Variants in PXDNL observed in about 807,000 individuals in gnomAD.
PXDNL encodes peroxidasin like.
Under a neutral mutation model 150.8 loss-of-function variants are expected in PXDNL, and 145 were observed. The ratio of observed to expected loss-of-function variants is 0.96; its 90% CI spans 0.84 to 1.10. PXDNL has a LOEUF of 1.10. Ranked by LOEUF, PXDNL falls within the 50% of genes least tolerant of loss-of-function variation. The pLI is 0.00. For synonymous variants in PXDNL, 757 were observed against 725.7 expected, an observed-to-expected ratio of 1.04 and a Z score of -0.69; for missense variants, 2,087 against 1,873.9, an observed-to-expected ratio of 1.11 and a Z score of -2.10.
intron 2 of PXDNL, among the ~76,000 whole-genome samples, chr8:51,608,597 G>A (rs1813922574): frequency 6.8e-6 from 1 of 147,924 alleles, no homozygotes; most frequent in Non-Finnish European, 1.5e-5. Flanking sequence ...CAGCACTTTG[G>A]GAGGCCAAGG....
At chr8:51,776,597 C>T (rs114467865) in intron 1 of PXDNL, among the ~76,000 whole-genome samples, 1 of 152,156 alleles carries the variant, frequency 6.6e-6, no homozygotes, top group Admixed American at 6.5e-5. Context: ...ACCCCCTCTT[C>T]TCAATGAGGC....
At chr8:51,474,914 C>A in intron 7 of PXDNL, 58 bp downstream of exon 7, 4 of 1,392,164 alleles carry the variant, frequency 2.9e-6, no homozygotes, top group Admixed American at 2.2e-5. Flanking sequence ...TAAACCTTTA[C>A]AAAAAGAGAG....
At chr8:51,438,755 C>T (rs930999840) in intron 12 of PXDNL, among the ~76,000 whole-genome samples, 8 of 152,056 alleles carry the variant, frequency 5.3e-5, no homozygotes, top group Non-Finnish European at 1.0e-4. Flanking sequence ...AATAGAGAAC[C>T]CAGAAATTAA....
chr8:51,539,001 A>G (rs1812152323), intron 4 of PXDNL, among the ~76,000 whole-genome samples: 1 of 152,180 alleles, frequency 6.6e-6, no homozygotes. Flanking sequence ...AATCTCCAAT[A>G]AAATACTGAG....
intron 5 of PXDNL, among the ~76,000 whole-genome samples, chr8:51,498,457 T>G (rs1021365388): frequency 5.3e-5 from 8 of 151,726 alleles, no homozygotes; most frequent in Non-Finnish European, 8.8e-5. Flanking sequence ...ATAAATAAAT[T>G]TATTAATATA....
intron 4 of PXDNL, among the ~76,000 whole-genome samples, chr8:51,544,445 G>A (rs930211417): frequency 3.9e-5 from 6 of 152,166 alleles, no homozygotes; most frequent in Admixed American, 6.5e-5. Flanking sequence ...GTTATTCTTC[G>A]GAACTATCTA....
At chr8:51,583,452 A>T (rs1813254638) in intron 3 of PXDNL, among the ~76,000 whole-genome samples, 1 of 152,194 alleles carries the variant, frequency 6.6e-6, no homozygotes, top group African/African-American at 2.4e-5. Context: ...CAGTTTCATT[A>T]TCTTTTGCAT....
chr8:51,322,519 G>A (rs1805355311), intron 21 of PXDNL, among the ~76,000 whole-genome samples: 1 of 152,100 alleles, frequency 6.6e-6, no homozygotes, highest in Non-Finnish European at 1.5e-5. Flanking sequence ...GCAGTCTCCA[G>A]GCAATGGGAA....
At chr8:51,406,523 T>A (rs1808439554) in intron 17 of PXDNL, among the ~76,000 whole-genome samples, 1 of 152,172 alleles carries the variant, frequency 6.6e-6, no homozygotes, top group Non-Finnish European at 1.5e-5. Context: ...ACAGCCTCTT[T>A]AAAACCCGTC....
At chr8:51,419,563 G>A (rs965598672) in intron 14 of PXDNL, among the ~76,000 whole-genome samples, 32 of 152,204 alleles carry the variant, frequency 2.1e-4, no homozygotes, top group African/African-American at 7.7e-4. Context: ...CTTAACCCAG[G>A]GTTTTCTTCT....
At chr8:51,777,668 C>T (rs2037366765) in intron 1 of PXDNL, among the ~76,000 whole-genome samples, 1 of 151,504 alleles carries the variant, frequency 6.6e-6, no homozygotes, top group South Asian at 2.1e-4. Flanking sequence ...TTTGGGAGGC[C>T]AAGATGGGCA....
intron 8 of PXDNL, among the ~76,000 whole-genome samples, chr8:51,459,819 T>G (rs1216907777): frequency 6.6e-6 from 1 of 152,246 alleles, no homozygotes; most frequent in South Asian, 2.1e-4. Context: ...CATATTTGAT[T>G]TAATGAAGAC....
At chr8:51,480,810 T>C (rs576214289) in intron 6 of PXDNL, among the ~76,000 whole-genome samples, 2 of 152,212 alleles carry the variant, frequency 1.3e-5, no homozygotes, top group Admixed American at 1.3e-4. Flanking sequence ...CCATGTAAGA[T>C]ATTCCTTTGC....
intron 12 of PXDNL, among the ~76,000 whole-genome samples, chr8:51,446,257 G>C (rs1053053855): frequency 6.6e-6 from 1 of 152,136 alleles, no homozygotes; most frequent in Non-Finnish European, 1.5e-5. Flanking sequence ...CCTCTGAATT[G>C]AGATCTAATA....
intron 12 of PXDNL, among the ~76,000 whole-genome samples, chr8:51,431,649 C>A (rs187189236): frequency 6.6e-6 from 1 of 152,256 alleles, no homozygotes; most frequent in Admixed American, 6.5e-5. Context: ...TCGCTCATAG[C>A]TTTTTCTTCT....
intron 3 of PXDNL, among the ~76,000 whole-genome samples, chr8:51,578,005 GGAAGGAAGGAAGGAAGGAAGGAAGGA>G (rs1813117927): frequency 1.3e-5 from 1 of 74,946 alleles, no homozygotes; most frequent in African/African-American, 8.2e-5. Flanking sequence ...GAAAGAGGAA[GGAAGGAAGGAAGGAAGGAAGGAAGGA>G]AGGAAGGAAG....
chr8:51,436,906 GA>G (rs983210131), intron 12 of PXDNL, among the ~76,000 whole-genome samples: 5 of 151,522 alleles, frequency 3.3e-5, no homozygotes, highest in East Asian at 3.9e-4. Context: ...AAAGATAAAT[GA>G]AAAAAAAGCT....
chr8:51,733,266 G>A (rs189875392), intron 1 of PXDNL, among the ~76,000 whole-genome samples: 82 of 152,318 alleles, frequency 5.4e-4, no homozygotes, highest in African/African-American at 1.6e-3. Flanking sequence ...GATAAGTAAC[G>A]TATTTTCCTC....
In PXDNL at chr8:51,339,574, G is replaced by C. The variant is rs1470282375; in HGVS notation, c.4146+50C>G. 2.6e-6 allele frequency: 4 copies of C among 1,559,284 alleles called. No homozygotes were observed. In the Admixed American group the frequency reaches 7.3e-5, roughly 28 times the overall value. On this transcript the variant is annotated intron_variant, in intron 21 of 22. Coordinates refer to ENST00000356297, the MANE Select transcript of PXDNL (RefSeq NM_144651.5). Reference sequence around the variant, plus strand: ...TTACTGGACAAATCTTTTATGTTTAGTTATTCCAACGCATACAATAAGGAC... The same window carrying C: ...TTACTGGACAAATCTTTTATGTTTACTTATTCCAACGCATACAATAAGGAC...
Sources: allele counts gnomAD v4.1 joint callset (sites outside exome capture counted in the v4.1 genomes callset), GRCh38; gene constraint gnomAD v4.1.1; transcripts MANE v1.5; gene names NCBI Gene and HGNC (gene_info 2026-07-23, HGNC 2026-07-21).